GRM1: variants seen among roughly 807,000 people sequenced by gnomAD.
GRM1 encodes metabotropic glutamate receptor 1.
GRM1 carries 33 observed loss-of-function variants against 90.9 expected under a neutral mutation model. The ratio of observed to expected loss-of-function variants is 0.36; its 90% confidence interval spans 0.28 to 0.49. GRM1 has a LOEUF of 0.49. Among genes scored for constraint, GRM1 ranks in the 20% least tolerant of loss-of-function variants. The pLI is 0.99. For synonymous variants in GRM1, 700 were observed against 613.2 expected (o/e 1.14, Z -2.09); for missense variants, 1,190 against 1,534.3 (o/e 0.78, Z 3.75).
At chr6:146,120,610 C>T (rs1775945259) in intron 1 of GRM1, among the ~76,000 whole-genome samples, 1 of 152,064 alleles carries the variant, frequency 6.6e-6, no homozygotes, top group African/African-American at 2.4e-5. Context: ...GAGATACGTC[C>T]CATCAATACC....
intron 2 of GRM1, among the ~76,000 whole-genome samples, chr6:146,163,161 T>C (rs953952476): frequency 5.9e-5 from 9 of 152,138 alleles, no homozygotes; most frequent in African/African-American, 2.2e-4. Context: ...TTATGAAATA[T>C]AGCCAGCAGA....
chr6:146,378,379 G>A (rs907939372), intron 5 of GRM1, among the ~76,000 whole-genome samples: 10 of 152,194 alleles, frequency 6.6e-5, no homozygotes, highest in African/African-American at 2.4e-4. Context: ...CCAGGAGTGG[G>A]GCTGTATCTG....
chr6:146,268,981 A>G (rs1782016003), intron 2 of GRM1, among the ~76,000 whole-genome samples: 1 of 152,254 alleles, frequency 6.6e-6, no homozygotes, highest in Non-Finnish European at 1.5e-5. Context: ...AAAGGCACCA[A>G]GAACATTGAA....
chr6:146,219,664 A>C (rs1779989294), intron 2 of GRM1, among the ~76,000 whole-genome samples: 1 of 151,114 alleles, frequency 6.6e-6, no homozygotes, highest in Non-Finnish European at 1.5e-5. Flanking sequence ...TTGTTTTGTA[A>C]AATGTTTCAA....
intron 2 of GRM1, among the ~76,000 whole-genome samples, chr6:146,239,129 G>A (rs572071124): frequency 2.6e-4 from 39 of 152,124 alleles, no homozygotes; most frequent in Admixed American, 7.9e-4. Context: ...ATATTCTTTC[G>A]TTTTAAAGAG....
In GRM1 at chr6:146,434,702, C is replaced by T. The variant is rs1023074214; in HGVS notation, c.3491C>T (p.Ser1164Phe). ...SVASGSSVPS[S>F]PVSESVLCTP... Reference sequence around the variant, plus strand: ...GCCTCGGGCAGCTCGGTGCCCAGCTCCCCCGTGTCCGAGTCGGTGCTCTGC... The same window carrying T: ...GCCTCGGGCAGCTCGGTGCCCAGCTTCCCCGTGTCCGAGTCGGTGCTCTGC... The change falls in exon 8 of 8, where the codon TCC (serine) becomes TTC (phenylalanine). Residue 1164 changes from serine to phenylalanine, a missense_variant. Physicochemically the swap from Ser to Phe is radical, Grantham distance 155. This residue lies in a region of GRM1 where 48 missense variants were observed against 48.5 expected (regional missense o/e 0.99). Coordinates refer to ENST00000282753, the MANE Select transcript of GRM1 (RefSeq NM_001278064.2). 1.2e-6 allele frequency: 2 copies of T among 1,604,078 alleles called. No homozygotes were observed. The highest frequency in any genetic ancestry group is 8.5e-7 in the Non-Finnish European group (1 of 1,179,862).
chr6:146,158,927 G>C (rs1391858210), intron 1 of GRM1, among the ~76,000 whole-genome samples: 1 of 152,136 alleles, frequency 6.6e-6, no homozygotes, highest in African/African-American at 2.4e-5. Flanking sequence ...GTTACCAAGA[G>C]TGTCTGTCTC....
chr6:146,226,532 A>G (rs4896861), intron 2 of GRM1, among the ~76,000 whole-genome samples: 33,422 of 152,030 alleles, frequency 0.22, 7,571 homozygotes, highest in African/African-American at 0.58. Context: ...CATCTGGAGT[A>G]ACACAATGCC....
At chr6:146,367,374 T>C (rs1775731269) in intron 5 of GRM1, among the ~76,000 whole-genome samples, 4 of 152,144 alleles carry the variant, frequency 2.6e-5, no homozygotes. Context: ...GATTGTTTGG[T>C]TATTTGGATT....
chr6:146,254,446 C>T (rs748368285), intron 2 of GRM1, among the ~76,000 whole-genome samples: 1 of 152,132 alleles, frequency 6.6e-6, no homozygotes, highest in African/African-American at 2.4e-5. Context: ...TCTTGCTAGA[C>T]AAAAACATGA....
In GRM1 at chr6:146,304,863, A is replaced by C; in HGVS notation, c.1186+17A>C. 1 of 1,502,032 alleles carries C rather than the reference A, an allele frequency of 6.7e-7. No individual in the cohort carries two copies. The highest frequency in any genetic ancestry group is 9.3e-7 in the Non-Finnish European group (1 of 1,077,606). 93.0% of individuals were successfully genotyped at this position (1,502,032 alleles called of 1,614,324 possible). ...TCTGCACAGGTAACTCATGTTCACA[A>C]AATAACAACTCAGAGGTTTGGTCAT... On this transcript the variant is annotated intron_variant, in intron 3 of 7. Coordinates refer to ENST00000282753, the MANE Select transcript of GRM1 (RefSeq NM_001278064.2).
intron 1 of GRM1, among the ~76,000 whole-genome samples, chr6:146,066,425 A>G (rs1775850273): frequency 1.3e-5 from 2 of 152,204 alleles, no homozygotes; most frequent in Admixed American, 6.5e-5. Flanking sequence ...ATAGTACTCC[A>G]TGCACTACAT....
chr6:146,244,384 C>A (rs982315208), intron 2 of GRM1, among the ~76,000 whole-genome samples: 4 of 152,158 alleles, frequency 2.6e-5, no homozygotes, highest in Admixed American at 2.6e-4. Flanking sequence ...AATTTATGTT[C>A]TTCTGCCATG....
intron 2 of GRM1, among the ~76,000 whole-genome samples, chr6:146,210,336 G>A (rs938150507): frequency 2.0e-5 from 3 of 152,152 alleles, no homozygotes; most frequent in African/African-American, 7.2e-5. Context: ...CAATGTTACT[G>A]TAGTATTAAA....
intron 1 of GRM1, among the ~76,000 whole-genome samples, chr6:146,032,170 A>G (rs1485799870): frequency 6.6e-6 from 1 of 152,116 alleles, no homozygotes; most frequent in Non-Finnish European, 1.5e-5. Flanking sequence ...TTGGATTACT[A>G]TGTTTCCTTT....
chr6:146,414,604 C>G (rs940887224), intron 7 of GRM1, among the ~76,000 whole-genome samples: 18 of 152,004 alleles, frequency 1.2e-4, no homozygotes, highest in Non-Finnish European at 4.4e-5. Context: ...GGGTTTCACC[C>G]TGTTAGCCAG....
intron 3 of GRM1, among the ~76,000 whole-genome samples, chr6:146,312,272 C>T (rs1386310877): frequency 2.4e-5 from 3 of 126,902 alleles, no homozygotes; most frequent in East Asian, 2.7e-4. Flanking sequence ...ACCCAGGAGG[C>T]GGAGCTTGCA....
At chr6:146,036,941 A>C (rs73576906) in intron 1 of GRM1, among the ~76,000 whole-genome samples, 1 of 151,964 alleles carries the variant, frequency 6.6e-6, no homozygotes, top group African/African-American at 2.4e-5. Context: ...ATTACTACTA[A>C]TATTTGTTGG....
intron 1 of GRM1, among the ~76,000 whole-genome samples, chr6:146,104,309 G>A (rs891490787): frequency 3.3e-5 from 5 of 151,624 alleles, no homozygotes; most frequent in Admixed American, 6.6e-5. Flanking sequence ...GCGTGGTGGC[G>A]GGCGCCTGTA....
Sources: allele counts gnomAD v4.1 joint callset (sites outside exome capture counted in the v4.1 genomes callset), GRCh38; gene constraint gnomAD v4.1.1; regional missense constraint gnomAD v4.1.1; transcripts MANE v1.5; gene names NCBI Gene and HGNC (gene_info 2026-07-23, HGNC 2026-07-21).